Variants in CTNNBIP1 observed in about 807,000 individuals in gnomAD.
CTNNBIP1 encodes the protein beta-catenin-interacting protein 1.
In CTNNBIP1, 7 loss-of-function variants were observed where a neutral mutation model predicts 11.8. The observed-to-expected ratio is 0.60, with a 90% CI of 0.34 to 1.12. The LOEUF is 1.12. Ranked by LOEUF, CTNNBIP1 falls within the 50% of genes most tolerant of loss-of-function variation. CTNNBIP1 has a pLI of 0.03. For missense variants in CTNNBIP1, 101 were observed against 113.4 expected (o/e 0.89, Z 0.50); for synonymous variants, 58 against 43.9 (o/e 1.32, Z -1.26).
At chr1:9,905,270 T>G (rs764084279) in intron 1 of CTNNBIP1, among the ~76,000 whole-genome samples, 6 of 152,200 alleles carry the variant, frequency 3.9e-5, no homozygotes, top group Non-Finnish European at 7.3e-5. Context: ...TTGATCATTC[T>G]TGCAGTCCTC....
intron 1 of CTNNBIP1, among the ~76,000 whole-genome samples, chr1:9,901,162 A>G (rs1286239633): frequency 1.3e-5 from 2 of 152,248 alleles, no homozygotes; most frequent in Non-Finnish European, 2.9e-5. Flanking sequence ...CCTGGAAAGA[A>G]TAACAGAAAC....
At chr1:9,865,688 A>G (rs1638729935) in intron 5 of CTNNBIP1, among the ~76,000 whole-genome samples, 1 of 152,232 alleles carries the variant, frequency 6.6e-6, no homozygotes, top group Non-Finnish European at 1.5e-5. Context: ...CTACAGATGT[A>G]TGCATGTTTG....
chr1:9,890,825 A>G (rs1192610260), intron 1 of CTNNBIP1, among the ~76,000 whole-genome samples: 1 of 152,092 alleles, frequency 6.6e-6, no homozygotes. Context: ...CTGGGACACC[A>G]GAGAGATCCC....
intron 5 of CTNNBIP1, among the ~76,000 whole-genome samples, chr1:9,865,350 C>T (rs1331762172): frequency 6.6e-6 from 1 of 152,090 alleles, no homozygotes; most frequent in African/African-American, 2.4e-5. Flanking sequence ...CCTGTAATCC[C>T]AGCACTTTGG....
At chr1:9,894,075 T>C (rs1264846830) in intron 1 of CTNNBIP1, among the ~76,000 whole-genome samples, 1 of 152,214 alleles carries the variant, frequency 6.6e-6, no homozygotes, top group African/African-American at 2.4e-5. Context: ...CCTCACCTTT[T>C]TCTTTTGAAA....
intron 5 of CTNNBIP1, 150 bp from the exon 6 acceptor site, chr1:9,850,926 C>G: frequency 1.3e-6 from 1 of 742,426 alleles, no homozygotes; most frequent in Non-Finnish European, 2.4e-6. Context: ...AAGTCTTCCT[C>G]CCCTCTGGTC....
At chr1:9,863,949 C>T (rs1382062189) in intron 5 of CTNNBIP1, among the ~76,000 whole-genome samples, 3 of 152,198 alleles carry the variant, frequency 2.0e-5, no homozygotes, top group Non-Finnish European at 4.4e-5. Flanking sequence ...TCCTTACAGC[C>T]TGGTTTCTGC....
rs578147409 is a variant in CTNNBIP1 at position 9,886,591 on chromosome 1, T to A, written c.-143-2853A>T. Among the ~76,000 whole-genome samples the A allele has an allele frequency of 1.8e-4, 28 of 152,336 alleles. No individual in the cohort carries two copies. The South Asian group carries it at 5.2e-3, about 28-fold the overall frequency. ...GGCTTTACAAATGGGCATGCCATGG[T>A]GCACAGAGGTGACATAACTCACCTG... On this transcript the variant is annotated intron_variant, in intron 1 of 5. Coordinates refer to ENST00000377263, the MANE Select transcript of CTNNBIP1 (RefSeq NM_020248.3).
At chr1:9,904,781 C>A (rs1157537307) in intron 1 of CTNNBIP1, among the ~76,000 whole-genome samples, 1 of 152,150 alleles carries the variant, frequency 6.6e-6, no homozygotes, top group Non-Finnish European at 1.5e-5. Context: ...TTAACTCACA[C>A]AGAGAGGAGC....
intron 1 of CTNNBIP1, among the ~76,000 whole-genome samples, chr1:9,900,082 AAAAC>A (rs1279454293): frequency 6.6e-6 from 1 of 151,394 alleles, no homozygotes; most frequent in Non-Finnish European, 1.5e-5. Context: ...AAAAAAAAAA[AAAAC>A]AATCAATAGA....
At chr1:9,881,298 A>T (rs1639076168) in intron 2 of CTNNBIP1, among the ~76,000 whole-genome samples, 1 of 143,838 alleles carries the variant, frequency 7.0e-6, no homozygotes, top group Non-Finnish European at 1.5e-5. Context: ...GCCTCTTATT[A>T]CAGGCATGAG....
intron 3 of CTNNBIP1, among the ~76,000 whole-genome samples, chr1:9,876,277 A>AC (rs1040806316): frequency 1.4e-4 from 22 of 152,206 alleles, no homozygotes; most frequent in Admixed American, 8.5e-4. Flanking sequence ...TCCTAAGAAA[A>AC]TTTCTATTAG....
chr1:9,857,079 G>A (rs1638519684), intron 5 of CTNNBIP1, among the ~76,000 whole-genome samples: 1 of 150,214 alleles, frequency 6.7e-6, no homozygotes, highest in African/African-American at 2.4e-5. Flanking sequence ...CCAAGATCAC[G>A]CCACTGCACT....
intron 2 of CTNNBIP1, among the ~76,000 whole-genome samples, chr1:9,881,867 G>A (rs1021673680): frequency 1.3e-5 from 2 of 152,204 alleles, no homozygotes; most frequent in Non-Finnish European, 2.9e-5. Flanking sequence ...CAGAACTGGG[G>A]CCGTGACACT....
intron 1 of CTNNBIP1, among the ~76,000 whole-genome samples, chr1:9,886,222 C>CT (rs1451043429): frequency 3.9e-5 from 6 of 152,138 alleles, no homozygotes; most frequent in Admixed American, 2.6e-4. Flanking sequence ...CTTCCACAGT[C>CT]TGAGTGCTGC....
chr1:9,905,867 G>A (rs1274976967), intron 1 of CTNNBIP1, among the ~76,000 whole-genome samples: 1 of 152,170 alleles, frequency 6.6e-6, no homozygotes, highest in Admixed American at 6.5e-5. Flanking sequence ...ACAGTGCCTA[G>A]CACATAGGTG....
rs536869185 is a variant in CTNNBIP1 at position 9,855,530 on chromosome 1, G to A, written c.188-4754C>T. ...TTGACAAGGGTGCCAAGACAATTCAGTGGGGAAGAAATGAACAAATGTGTG... is the reference window on the plus strand; with the variant it reads ...TTGACAAGGGTGCCAAGACAATTCAATGGGGAAGAAATGAACAAATGTGTG... On this transcript the variant is annotated intron_variant, in intron 5 of 5. Transcript: ENST00000377263. Among the ~76,000 whole-genome samples, 64 of 152,250 alleles carry A rather than the reference G, an allele frequency of 4.2e-4. 2 individuals carry two copies. The South Asian group carries it at 0.013, about 31-fold the overall frequency.
chr1:9,850,398 T>A lies in CTNNBIP1; in HGVS notation c.*320A>T, dbSNP rs1449644823. The A allele has an allele frequency of 4.1e-6, 1 of 244,298 alleles. No homozygotes were observed. Among genetic ancestry groups the A allele is most frequent in the Non-Finnish European group, 8.0e-6 (1 of 125,134 alleles). 15.1% of individuals were successfully genotyped at this position (244,298 alleles called of 1,614,324 possible). On this transcript the variant is annotated 3_prime_UTR_variant, in exon 6 of 6. Coordinates refer to ENST00000377263, the MANE Select transcript of CTNNBIP1 (RefSeq NM_020248.3). ...TCGGAGAGCTTCCAGGGAAGCCAGA[T>A]ACCGAGGCGCAAATTTTTTAAAAAA...
intron 3 of CTNNBIP1, among the ~76,000 whole-genome samples, chr1:9,874,509 C>G (rs1638925982): frequency 1.3e-5 from 2 of 152,234 alleles, no homozygotes; most frequent in Non-Finnish European, 2.9e-5. Flanking sequence ...CTGCCTTGGT[C>G]TCCCAAAATA....
Sources: gnomAD v4.1 joint callset for allele counts (sites outside exome capture counted in the v4.1 genomes callset) on GRCh38, gnomAD v4.1.1 for gene constraint, MANE v1.5 for transcripts, NCBI Gene and HGNC (gene_info 2026-07-23, HGNC 2026-07-21) for gene names.